PRRT3: variants seen among roughly 807,000 people sequenced by gnomAD.
PRRT3 encodes proline-rich transmembrane protein 3.
PRRT3 carries 48 observed loss-of-function variants against 56.6 expected under a neutral mutation model. That is an observed-to-expected ratio of 0.85 (90% CI 0.67 to 1.08). The LOEUF (loss-of-function observed/expected upper bound fraction) is 1.08, where lower values mean the gene tolerates loss of function less well. Ranked by LOEUF, PRRT3 falls within the 50% of genes least tolerant of loss-of-function variation. The probability of loss-of-function intolerance (pLI) is 0.00; values close to 1 mark genes in which losing one functional copy is unlikely to be tolerated. For missense variants in PRRT3, 1,370 were observed against 1,353.1 expected (o/e 1.01, Z -0.20); for synonymous variants, 641 against 619.1 (o/e 1.04, Z -0.52).
In PRRT3 at chr3:9,950,583, A is replaced by G. The variant is rs543374342; in HGVS notation, c.-57-411T>C. Among the ~76,000 whole-genome samples, 4 of 152,052 alleles carry G rather than the reference A, an allele frequency of 2.6e-5. No homozygotes were observed. In the South Asian group the frequency reaches 6.2e-4, roughly 24 times the overall value. ...AGTGGCGTGATCTCGGCTCACTGCA[A>G]CCTCCACCTCCCAGGTTCAAGTGAT... On this transcript the variant is annotated intron_variant, in intron 1 of 3. Coordinates refer to ENST00000412055, the MANE Select transcript of PRRT3 (RefSeq NM_207351.5).
chr3:9,948,826 A>G lies in PRRT3; in HGVS notation c.1103T>C (p.Ile368Thr). The G allele has an allele frequency of 6.2e-7, 1 of 1,613,470 alleles. No homozygotes were observed. Among genetic ancestry groups the G allele is most frequent in the Non-Finnish European group, 8.5e-7 (1 of 1,179,750 alleles). Residue 368 changes from isoleucine (I) to threonine (T), a missense_variant, in exon 3 of 4, where the codon ATC (isoleucine) becomes ACC (threonine). By Grantham distance (89) the Ile-to-Thr change is moderately conservative. Transcript: ENST00000412055. ...TGGGCCAGGGTCTGAGGGACCAGGG[A>G]TGAGAGACTTGGGGGTGCCTGGGGC... ...VEAPGTPKSLIPGPSDPGPAV... is the reference protein window; with the variant it reads ...VEAPGTPKSLTPGPSDPGPAV...
rs751663306 is a variant in PRRT3 at position 9,950,094 on chromosome 3, A to C, written c.22T>G (p.Cys8Gly). 1 of 1,494,840 alleles carries C rather than the reference A, an allele frequency of 6.7e-7. No individual in the cohort carries two copies. The highest frequency in any genetic ancestry group is 8.9e-7 in the Non-Finnish European group (1 of 1,123,652). The allele number at this position is 1,494,840 out of a possible 1,614,324, so 92.6% of individuals were successfully genotyped here. Residue 8 changes from cysteine (C) to glycine (G), a missense_variant, in exon 2 of 4, where the codon TGT becomes GGT. Transcript: ENST00000412055. MASSPWG[C>G]VCGLLLLLLP... ...AGCAACAGCAGAAGGCCACATACAC[A>C]GCCCCATGGGCTGGAGGCCATGGTC...
Position 9,949,186 on chromosome 3 carries a change from A to G in PRRT3, c.930T>C (p.Ala310=). 1 of 1,612,146 alleles carries G rather than the reference A, an allele frequency of 6.2e-7. No homozygotes were observed. The highest frequency in any genetic ancestry group is 1.3e-5 in the African/African-American group (1 of 74,942). Residue 310 remains alanine, a synonymous_variant, in exon 2 of 4, where the codon GCT becomes GCC. Coordinates refer to ENST00000412055, the MANE Select transcript of PRRT3 (RefSeq NM_207351.5). The surrounding 1 kb of genome is among the most constrained non-coding windows in gnomAD (Gnocchi z 4.5). The part of the protein sequence containing the change: ...VSSPGPPPKQ[A]DLPDAKDSPG... ...GTGAATCCTTAGCGTCAGGAAGGTC[A>G]GCCTGCTTGGGCGGGGGACCTGGGG...
Position 9,946,802 on chromosome 3 carries a change from T to G in PRRT3, c.2371A>C (p.Asn791His). 6.4e-7 allele frequency: 1 copy of G among 1,550,700 alleles called. No individual in the cohort carries two copies. The highest frequency in any genetic ancestry group is 8.7e-7 in the Non-Finnish European group (1 of 1,155,908). The stretch of plus-strand genomic sequence containing the variant: ...AGCGATGGCGCCGGTCCCACACCGT[T>G]GCGGGACAGTCCCGGGCCACCCTGG... ...GPQGGPGLSR[N>H]GVGPAPSLSE... The change falls in exon 4 of 4, where the codon AAC (asparagine) becomes CAC (histidine). Residue 791 changes from asparagine to histidine, a missense_variant. Coordinates refer to ENST00000412055, the MANE Select transcript of PRRT3 (RefSeq NM_207351.5). This position sits in a 1 kb window ranked among gnomAD's most constrained non-coding sequence, Gnocchi z 4.1.
Position 9,946,106 on chromosome 3 carries a change from G to A in PRRT3, c.*121C>T. On this transcript the variant is annotated 3_prime_UTR_variant, in exon 4 of 4. Coordinates refer to ENST00000412055, the MANE Select transcript of PRRT3 (RefSeq NM_207351.5). The surrounding 1 kb of genome is among the most constrained non-coding windows in gnomAD (Gnocchi z 4.1). ...CCACCTCGGCCTCCCAAAGTGCTGG[G>A]ATTCCTGGCGTGAGCCACCGCGCCT... The A allele has an allele frequency of 7.1e-7, 1 of 1,416,184 alleles. No homozygotes were observed. Among genetic ancestry groups the A allele is most frequent in the Non-Finnish European group, 9.3e-7 (1 of 1,075,426 alleles). The allele number at this position is 1,416,184 out of a possible 1,614,324, so 87.7% of individuals were successfully genotyped here.
Position 9,947,961 on chromosome 3 carries a change from G to C in PRRT3, c.1212C>G (p.Pro404=). 1 of 1,379,164 alleles carries C rather than the reference G, an allele frequency of 7.3e-7. No homozygotes were observed. Among genetic ancestry groups the C allele is most frequent in the Non-Finnish European group, 9.4e-7 (1 of 1,069,138 alleles). 85.4% of individuals were successfully genotyped at this position (1,379,164 alleles called of 1,614,324 possible). The change falls in exon 4 of 4, where the codon CCC becomes CCG. Residue 404 remains proline (P), a synonymous_variant. Coordinates refer to ENST00000412055, the MANE Select transcript of PRRT3 (RefSeq NM_207351.5). The surrounding 1 kb of genome is among the most constrained non-coding windows in gnomAD (Gnocchi z 9.2). ...AGGGGGCCTGGACTGGGGGTGCTGG[G>C]GGATGGCTTTGGGGGCGCCCCGGCC... ...EEWPGRPQSH[P]PAPPVQAPST...
At chr3:9,948,666 T>C in intron 3 of PRRT3, 92 bp downstream of exon 3, 1 of 1,469,192 alleles carries the variant, frequency 6.8e-7, no homozygotes, top group South Asian at 1.1e-5. Flanking sequence ...TCTCCATTCA[T>C]TCCCCACCCT....
At position 9,949,606 on chromosome 3, in the gene PRRT3, G is replaced by C; in HGVS notation, c.510C>G (p.Pro170=). 2 of 1,614,160 alleles carry C rather than the reference G, an allele frequency of 1.2e-6. No homozygotes were observed. The highest frequency in any genetic ancestry group is 1.7e-6 in the Non-Finnish European group (2 of 1,180,032). ...RRQLRVATVP[P]SLQHEGQEGQ... ...CCTCTTGGCCTTCATGCTGCAGGGA[G>C]GGAGGAACTGTGGCTACCCTGAGTT... The change falls in exon 2 of 4, where the codon CCC becomes CCG. Residue 170 remains proline (P), a synonymous_variant. Coordinates refer to ENST00000412055, the MANE Select transcript of PRRT3 (RefSeq NM_207351.5). This position sits in a 1 kb window ranked among gnomAD's most constrained non-coding sequence, Gnocchi z 4.5.
Position 9,946,121 on chromosome 3 carries a change from C to A in PRRT3, c.*106G>T, listed in dbSNP as rs2085512616. 6.9e-7 allele frequency: 1 copy of A among 1,443,010 alleles called. No homozygotes were observed. The highest frequency in any genetic ancestry group is 9.1e-7 in the Non-Finnish European group (1 of 1,094,536). 89.4% of individuals were successfully genotyped at this position (1,443,010 alleles called of 1,614,324 possible). A position where few individuals can be genotyped will look rare whatever the true frequency, so the allele number is the denominator to read the frequency against. ...AAAGTGCTGGGATTCCTGGCGTGAG[C>A]CACCGCGCCTGGCCAGGATGCCCAT... is the stretch of plus-strand genomic sequence containing the variant. On this transcript the variant is annotated 3_prime_UTR_variant, in exon 4 of 4. Coordinates refer to ENST00000412055, the MANE Select transcript of PRRT3 (RefSeq NM_207351.5). This position sits in a 1 kb window ranked among gnomAD's most constrained non-coding sequence, Gnocchi z 4.1.
At position 9,946,775 on chromosome 3, in the gene PRRT3, T is replaced by C; in HGVS notation, c.2398A>G (p.Ser800Gly). The C allele has an allele frequency of 6.5e-7, 1 of 1,544,736 alleles. No homozygotes were observed. The highest frequency in any genetic ancestry group is 1.4e-5 in the African/African-American group (1 of 73,370). ...RNGVGPAPSL[S>G]ELDLRPPSPI... ...GATGGCGGCCGCAGATCCAGCTCGC[T>C]CAGCGATGGCGCCGGTCCCACACCG... Residue 800 changes from serine to glycine, a missense_variant, in exon 4 of 4, where the codon AGC (serine) becomes GGC (glycine). Physicochemically the swap from Ser to Gly is moderately conservative, Grantham distance 56 (BLOSUM62 0). Transcript: ENST00000412055. This position sits in a 1 kb window ranked among gnomAD's most constrained non-coding sequence, Gnocchi z 4.1.
Position 9,950,142 on chromosome 3 carries a change from G to T in PRRT3, c.-27C>A, listed in dbSNP as rs768522095. 2 of 1,398,892 alleles carry T rather than the reference G, an allele frequency of 1.4e-6. No homozygotes were observed. Among genetic ancestry groups the T allele is most frequent in the Non-Finnish European group, 1.9e-6 (2 of 1,071,404 alleles). The allele number at this position is 1,398,892 out of a possible 1,614,324, so 86.7% of individuals were successfully genotyped here. On this transcript the variant is annotated 5_prime_UTR_variant, in exon 2 of 4. Coordinates refer to ENST00000412055, the MANE Select transcript of PRRT3 (RefSeq NM_207351.5). ...GTCTACTCCGATGCCTGGGCCTAAA[G>T]CCCCCACCTTCCAGTCCTCACTGGA... is the stretch of plus-strand genomic sequence containing the variant.
Position 9,947,953 on chromosome 3 carries a change from G to T in PRRT3, c.1220C>A (p.Pro407His). ...TGACGTCGAGGGGGCCTGGACTGGG[G>T]GTGCTGGGGGATGGCTTTGGGGGCG... ...PGRPQSHPPA[P>H]PVQAPSTSRR... The change falls in exon 4 of 4, where the codon CCC (proline) becomes CAC (histidine). Residue 407 changes from proline (P) to histidine (H), a missense_variant. Transcript: ENST00000412055. The surrounding 1 kb of genome is among the most constrained non-coding windows in gnomAD (Gnocchi z 9.2). 1 of 1,384,112 alleles carries T rather than the reference G, an allele frequency of 7.2e-7. No individual in the cohort carries two copies. The highest frequency in any genetic ancestry group is 9.3e-7 in the Non-Finnish European group (1 of 1,071,986). 85.7% of individuals were successfully genotyped at this position (1,384,112 alleles called of 1,614,324 possible). A position where few individuals can be genotyped will look rare whatever the true frequency, so the allele number is the denominator to read the frequency against.
At chr3:9,948,661 A>G (rs764751874) in intron 3 of PRRT3, 97 bp downstream of exon 3, 6 of 1,438,628 alleles carry the variant, frequency 4.2e-6, no homozygotes, top group Non-Finnish European at 5.8e-6. Context: ...GATTGTCTCC[A>G]TTCATTCCCC....
intron 3 of PRRT3, chr3:9,948,382 TG>T: frequency 2.6e-6 from 1 of 380,946 alleles, no homozygotes; most frequent in Admixed American, 4.5e-5. Flanking sequence ...CAGGCTGGTG[TG>T]CAGTGGTGCA....
At position 9,947,244 on chromosome 3, in the gene PRRT3, C is replaced by A. The variant is rs1203488967; in HGVS notation, c.1929G>T (p.Ala643=). 6 of 1,500,626 alleles carry A rather than the reference C, an allele frequency of 4.0e-6. No individual in the cohort carries two copies. Among genetic ancestry groups the A allele is most frequent in the Non-Finnish European group, 5.3e-6 (6 of 1,133,262 alleles). The allele number at this position is 1,500,626 out of a possible 1,614,324, so 93.0% of individuals were successfully genotyped here. The change falls in exon 4 of 4, where the codon GCG becomes GCT. Residue 643 remains alanine (A), a synonymous_variant. Coordinates refer to ENST00000412055, the MANE Select transcript of PRRT3 (RefSeq NM_207351.5). This position sits in a 1 kb window ranked among gnomAD's most constrained non-coding sequence, Gnocchi z 9.2. The part of the protein sequence containing the change: ...ASPGPRLLAV[A]GALGLLASGL... ...CGCTAGCCAGCAGCCCCAGCGCGCCCGCCACAGCCAACAGCCGAGGGCCCG... is the reference window on the plus strand; with the variant it reads ...CGCTAGCCAGCAGCCCCAGCGCGCCAGCCACAGCCAACAGCCGAGGGCCCG...
chr3:9,949,725 G>C lies in PRRT3; in HGVS notation c.391C>G (p.Leu131Val). The C allele has an allele frequency of 6.2e-7, 1 of 1,614,188 alleles. No homozygotes were observed. Among genetic ancestry groups the C allele is most frequent in the Non-Finnish European group, 8.5e-7 (1 of 1,180,038 alleles). The change falls in exon 2 of 4, where the codon CTG (leucine) becomes GTG (valine). Residue 131 changes from leucine to valine, a missense_variant. Leu to Val is a conservative substitution (Grantham distance 32). Transcript: ENST00000412055. This position sits in a 1 kb window ranked among gnomAD's most constrained non-coding sequence, Gnocchi z 4.5. ...GPSSHGWTGPLDSQELLQQEA... is the reference protein window; with the variant it reads ...GPSSHGWTGPVDSQELLQQEA... ...TGCTGCAGAAGCTCTTGTGAGTCCA[G>C]AGGTCCTGTCCAGCCGTGGGAGCTT...
Position 9,951,844 on chromosome 3 carries a change from A to G in PRRT3, c.-58+478T>C, listed in dbSNP as rs188911610. On this transcript the variant is annotated intron_variant, in intron 1 of 3. Transcript: ENST00000412055. ...AAGGTCACACAGCTGAGTGGACACA[A>G]TCGGGGTTGTGAAACCCTCGGAGGC... 1.8e-3 allele frequency among the ~76,000 whole-genome samples: 275 copies of G among 152,334 alleles called. 1 individual carries two copies. The highest frequency in any genetic ancestry group is 2.9e-3 in the Non-Finnish European group (198 of 68,028).
In PRRT3 at chr3:9,949,237, G is replaced by A. The variant is rs550748464; in HGVS notation, c.879C>T (p.Gly293=). 5 of 1,603,234 alleles carry A rather than the reference G, an allele frequency of 3.1e-6. No individual in the cohort carries two copies. The highest frequency in any genetic ancestry group is 1.1e-5 in the South Asian group (1 of 89,406). The part of the protein sequence containing the change: ...ELPVETPKRA[G]AEVSWEVSSP... ...AGCTGACTTCCCAGGACACCTCAGC[G>A]CCAGCCCTCTTGGGGGTCTCAACCG... is the stretch of plus-strand genomic sequence containing the variant. The change falls in exon 2 of 4, where the codon GGC becomes GGT. Residue 293 remains glycine (G), a synonymous_variant. Transcript: ENST00000412055. The surrounding 1 kb of genome is among the most constrained non-coding windows in gnomAD (Gnocchi z 4.5).
rs2085572008 is a variant in PRRT3 at position 9,948,836 on chromosome 3, TGGG to T, written c.1090_1092del (p.Pro364del). The T allele has an allele frequency of 6.2e-7, 1 of 1,612,730 alleles. No individual in the cohort carries two copies. The highest frequency in any genetic ancestry group is 8.5e-7 in the Non-Finnish European group (1 of 1,179,296). ...TCTGAGGGACCAGGGATGAGAGACT[TGGG>T]GGTGCCTGGGGCCTCCACAGCTCCT... On this transcript the variant is annotated inframe_deletion, in exon 3 of 4. Transcript: ENST00000412055.
Sources: gnomAD v4.1 joint callset for allele counts (sites outside exome capture counted in the v4.1 genomes callset) on GRCh38, gnomAD v4.1.1 for gene constraint, Gnocchi (gnomAD v3.1) non-coding constraint, MANE v1.5 for transcripts, NCBI Gene and HGNC (gene_info 2026-07-23, HGNC 2026-07-21) for gene names.